CHRDL1: variants seen among roughly 807,000 people sequenced by gnomAD.
CHRDL1 encodes the protein chordin like 1.
CHRDL1 carries 19 observed loss-of-function variants against 40.9 expected under a neutral mutation model. The observed-to-expected ratio is 0.46, with a 90% CI of 0.32 to 0.68. CHRDL1 has a LOEUF of 0.68. CHRDL1 is among the 30% of genes least tolerant of loss of function. The pLI, the probability that CHRDL1 is intolerant of heterozygous loss-of-function variation, is 0.03. For missense variants in CHRDL1, 329 were observed against 352.1 expected (o/e 0.93, Z 0.53); for synonymous variants, 136 against 123.4 (o/e 1.10, Z -0.68).
chrX:110,784,339 A>G (rs1407480666), intron 2 of CHRDL1, among the ~76,000 whole-genome samples: 1 of 112,288 alleles, frequency 8.9e-6, no homozygotes, highest in Non-Finnish European at 1.9e-5. Flanking sequence ...CGTCCTGTGT[A>G]TGCAGCTTTT....
chrX:110,764,703 C>G (rs1336055046), intron 2 of CHRDL1, among the ~76,000 whole-genome samples: 4 of 111,752 alleles, frequency 3.6e-5, no homozygotes, highest in Non-Finnish European at 5.6e-5. Context: ...TGCAGAGAGC[C>G]TATAAATGGA....
chrX:110,702,445 C>G (rs750073616), intron 6 of CHRDL1, among the ~76,000 whole-genome samples: 50 of 111,950 alleles, frequency 4.5e-4, no homozygotes, highest in South Asian at 1.1e-3. Context: ...TAACTTTGTC[C>G]AACTGCTCCA....
intron 2 of CHRDL1, among the ~76,000 whole-genome samples, chrX:110,789,049 T>C (rs755289860): frequency 1.4e-4 from 16 of 111,211 alleles, no homozygotes; most frequent in African/African-American, 4.2e-4. Context: ...ATGGGAAAAA[T>C]ACAACTTAAA....
intron 2 of CHRDL1, among the ~76,000 whole-genome samples, chrX:110,780,740 T>C (rs999272559): frequency 8.9e-6 from 1 of 111,747 alleles, no homozygotes; most frequent in Non-Finnish European, 1.9e-5. Context: ...TGCCCAGCAA[T>C]GGACTGTTTA....
At chrX:110,720,553 G>T (rs1309636096) in intron 5 of CHRDL1, among the ~76,000 whole-genome samples, 2 of 111,438 alleles carry the variant, frequency 1.8e-5, no homozygotes, top group South Asian at 3.8e-4. Flanking sequence ...CATTCTTTTG[G>T]GGCTAGAATG....
chrX:110,737,284 A>G (rs1337608734), intron 4 of CHRDL1, among the ~76,000 whole-genome samples: 2 of 112,084 alleles, frequency 1.8e-5, no homozygotes, highest in Non-Finnish European at 3.8e-5. Context: ...GAGGAGAAGG[A>G]GGGAATGTTT....
At chrX:110,787,187 T>C (rs1339978125) in intron 2 of CHRDL1, among the ~76,000 whole-genome samples, 1 of 112,044 alleles carries the variant, frequency 8.9e-6, no homozygotes, top group African/African-American at 3.2e-5. Context: ...CCAGCCACTA[T>C]GCAAAGCACT....
intron 4 of CHRDL1, among the ~76,000 whole-genome samples, chrX:110,729,879 T>C (rs2071125884): frequency 8.9e-6 from 1 of 112,504 alleles, no homozygotes; most frequent in East Asian, 2.8e-4. Context: ...CATAGGTTGT[T>C]GGGATGATCA....
At chrX:110,793,022 C>A (rs1359666981) in intron 1 of CHRDL1, among the ~76,000 whole-genome samples, 1 of 112,296 alleles carries the variant, frequency 8.9e-6, no homozygotes, top group African/African-American at 3.2e-5. Flanking sequence ...ACCTTTTGAA[C>A]CTTGGAACAC....
chrX:110,678,144 A>G (rs946062689), intron 11 of CHRDL1, among the ~76,000 whole-genome samples: 2 of 112,011 alleles, frequency 1.8e-5, no homozygotes, highest in Non-Finnish European at 3.8e-5. Flanking sequence ...TCACTTGCTT[A>G]AAAACCTCCA....
chrX:110,790,407 T>A (rs748919151), intron 2 of CHRDL1, among the ~76,000 whole-genome samples: 1 of 112,055 alleles, frequency 8.9e-6, no homozygotes, highest in East Asian at 2.8e-4. Context: ...TTTTTTTAAG[T>A]CACATCTTTC....
intron 2 of CHRDL1, among the ~76,000 whole-genome samples, chrX:110,787,894 A>G (rs1293013623): frequency 8.9e-6 from 1 of 112,702 alleles, no homozygotes; most frequent in Non-Finnish European, 1.9e-5. Context: ...ATAATTGAAT[A>G]TTCTTAACAA....
intron 2 of CHRDL1, among the ~76,000 whole-genome samples, chrX:110,781,899 G>A (rs1044376848): frequency 8.9e-6 from 1 of 111,845 alleles, no homozygotes; most frequent in Non-Finnish European, 1.9e-5. Flanking sequence ...TAAATGGATC[G>A]CTTCAGTATA....
intron 4 of CHRDL1, among the ~76,000 whole-genome samples, chrX:110,745,722 A>AGAT (rs1244314316): frequency 8.9e-6 from 1 of 111,899 alleles, no homozygotes; most frequent in African/African-American, 3.3e-5. Context: ...CTCCTCCACT[A>AGAT]GATTGTGAAC....
intron 4 of CHRDL1, among the ~76,000 whole-genome samples, chrX:110,732,074 G>GA (rs919536840): frequency 1.1e-4 from 12 of 110,502 alleles, no homozygotes; most frequent in Non-Finnish European, 2.1e-4. Flanking sequence ...GAGCGGGCCT[G>GA]AAAAAAATGA....
At chrX:110,699,898 G>C (rs1323235720) in intron 7 of CHRDL1, among the ~76,000 whole-genome samples, 1 of 112,091 alleles carries the variant, frequency 8.9e-6, no homozygotes, top group Non-Finnish European at 1.9e-5. Flanking sequence ...TACTTTTTTT[G>C]TACAAGGATG....
At chrX:110,734,859 C>T (rs2071235286) in intron 4 of CHRDL1, among the ~76,000 whole-genome samples, 2 of 111,505 alleles carry the variant, frequency 1.8e-5, no homozygotes, top group African/African-American at 3.3e-5. Context: ...TTTTAAAAAC[C>T]TCTAATTACC....
At chrX:110,710,253 A>G in intron 6 of CHRDL1, among the ~76,000 whole-genome samples, 1 of 112,119 alleles carries the variant, frequency 8.9e-6, no homozygotes. Flanking sequence ...CATAAAGACT[A>G]TTATAATGTG....
chrX:110,781,981 T>C (rs1417829312), intron 2 of CHRDL1, among the ~76,000 whole-genome samples: 5 of 111,764 alleles, frequency 4.5e-5, no homozygotes, highest in Admixed American at 9.5e-5. Context: ...GATTACATTT[T>C]CCCCCAAATT....
Sources: allele counts gnomAD v4.1 joint callset (sites outside exome capture counted in the v4.1 genomes callset), GRCh38; gene constraint gnomAD v4.1.1; transcripts MANE v1.5; gene names NCBI Gene and HGNC (gene_info 2026-07-23, HGNC 2026-07-21).